The following DLEU7 variants were observed in gnomAD, a reference collection of about 807,000 sequenced individuals.
DLEU7 encodes deleted in lymphocytic leukemia 7.
DLEU7 carries 17 observed loss-of-function variants against 16.0 expected under a neutral mutation model. The ratio of observed to expected loss-of-function variants is 1.06; its 90% CI spans 0.73 to 1.59. The LOEUF (loss-of-function observed/expected upper bound fraction) is 1.59. DLEU7 is among the 40% of genes most tolerant of loss of function. DLEU7 has a pLI of 0.00. For missense variants in DLEU7, 308 were observed against 314.9 expected (o/e 0.98, Z 0.17); for synonymous variants, 113 against 139.8 (o/e 0.81, Z 1.35).
chr13:50,729,904 G>A (rs774815652), intron 1 of DLEU7, among the ~76,000 whole-genome samples: 1 of 151,828 alleles, frequency 6.6e-6, no homozygotes, highest in Non-Finnish European at 1.5e-5. Context: ...TATAACTTTG[G>A]ACTCCCTGAA....
intron 1 of DLEU7, among the ~76,000 whole-genome samples, chr13:50,803,940 A>G (rs1188619810): frequency 1.3e-5 from 2 of 152,232 alleles, no homozygotes; most frequent in Middle Eastern, 3.4e-3. Context: ...TACTTTTAAA[A>G]CTTTTCCATG....
At chr13:50,738,646 T>C (rs1053965916) in intron 1 of DLEU7, among the ~76,000 whole-genome samples, 5 of 152,064 alleles carry the variant, frequency 3.3e-5, no homozygotes, top group Admixed American at 6.5e-5. Flanking sequence ...CAGCAAATCA[T>C]ACAAAGATGA....
downstream of DLEU7, among the ~76,000 whole-genome samples, chr13:50,818,949 A>G (rs1280049444): frequency 6.6e-6 from 1 of 152,206 alleles, no homozygotes; most frequent in Non-Finnish European, 1.5e-5. Flanking sequence ...TCCCTAATGT[A>G]ATCACATCTG....
intron 1 of DLEU7, among the ~76,000 whole-genome samples, chr13:50,751,124 A>G (rs1448659185): frequency 6.6e-6 from 1 of 152,212 alleles, no homozygotes; most frequent in Non-Finnish European, 1.5e-5. Context: ...AATTTTGCTG[A>G]GAGCTTTAAT....
chr13:50,754,680 G>A (rs1300335683), intron 1 of DLEU7, among the ~76,000 whole-genome samples: 1 of 152,200 alleles, frequency 6.6e-6, no homozygotes, highest in Non-Finnish European at 1.5e-5. Flanking sequence ...TCCAGTGTTA[G>A]TATTGAGATA....
At chr13:50,752,644 G>A (rs932764913) in intron 1 of DLEU7, among the ~76,000 whole-genome samples, 1 of 151,764 alleles carries the variant, frequency 6.6e-6, no homozygotes, top group Non-Finnish European at 1.5e-5. Context: ...TTCACGGTGA[G>A]TGTTACAGCT....
chr13:50,821,068 G>A (rs1256890433), downstream of DLEU7, among the ~76,000 whole-genome samples: 3 of 152,106 alleles, frequency 2.0e-5, no homozygotes, highest in Non-Finnish European at 4.4e-5. Flanking sequence ...AATGAAGTAG[G>A]GCTAATGGAG....
At chr13:50,736,236 C>T (rs1351589468) in intron 1 of DLEU7, among the ~76,000 whole-genome samples, 1 of 152,014 alleles carries the variant, frequency 6.6e-6, no homozygotes, top group Non-Finnish European at 1.5e-5. Flanking sequence ...TCAACCTTAG[C>T]AAAGTAACAC....
At chr13:50,801,269 GC>G in intron 1 of DLEU7, among the ~76,000 whole-genome samples, 1 of 152,226 alleles carries the variant, frequency 6.6e-6, no homozygotes, top group Non-Finnish European at 1.5e-5. Context: ...GGTAGCTGAA[GC>G]TGCATAACTA....
intron 1 of DLEU7, among the ~76,000 whole-genome samples, chr13:50,776,246 A>G (rs947175034): frequency 1.3e-5 from 2 of 152,154 alleles, no homozygotes; most frequent in African/African-American, 4.8e-5. Flanking sequence ...TGGATTTTGA[A>G]TTTATCTGCA....
At chr13:50,805,537 T>C (rs1593402375) in intron 1 of DLEU7, among the ~76,000 whole-genome samples, 2 of 103,912 alleles carry the variant, frequency 1.9e-5, no homozygotes, top group South Asian at 5.6e-4. Flanking sequence ...CAATTATGCA[T>C]ATGTTTGATT....
intron 1 of DLEU7, among the ~76,000 whole-genome samples, chr13:50,778,062 G>A (rs189907618): frequency 2.1e-4 from 32 of 152,172 alleles, no homozygotes; most frequent in African/African-American, 6.3e-4. Context: ...CCTGAGACTG[G>A]GTAGTTTATG....
chr13:50,812,949 A>G (rs1254133356), intron 1 of DLEU7: 1 of 152,044 alleles, frequency 6.6e-6, no homozygotes, highest in Non-Finnish European at 1.5e-5. Context: ...GAAAACCCAA[A>G]TGGTCCGAAA....
intron 1 of DLEU7, among the ~76,000 whole-genome samples, chr13:50,761,566 G>T (rs945082751): frequency 2.0e-5 from 3 of 152,096 alleles, no homozygotes; most frequent in African/African-American, 4.8e-5. Context: ...GGATCACATG[G>T]CCTCTCCCAT....
At chr13:50,822,819 T>C, downstream of DLEU7, 4 of 987,464 alleles carry the variant, frequency 4.1e-6, no homozygotes, top group Non-Finnish European at 4.8e-6. Context: ...ACACATATAG[T>C]CCTACAAAGA....
chr13:50,826,275 T>A (rs543618757), intron 1 of DLEU7, among the ~76,000 whole-genome samples: 1 of 152,090 alleles, frequency 6.6e-6, no homozygotes, highest in African/African-American at 2.4e-5. Context: ...CCAGTTCCTG[T>A]TCATGGCCCA....
intron 1 of DLEU7, among the ~76,000 whole-genome samples, chr13:50,724,204 A>C (rs1320271785): frequency 1.3e-5 from 2 of 152,208 alleles, no homozygotes; most frequent in Non-Finnish European, 2.9e-5. Context: ...ACCTAAAACT[A>C]ATGAAATCCC....
intron 1 of DLEU7, among the ~76,000 whole-genome samples, chr13:50,790,921 C>T (rs1289836340): frequency 6.6e-6 from 1 of 152,152 alleles, no homozygotes; most frequent in Non-Finnish European, 1.5e-5. Flanking sequence ...TGAATAAGCT[C>T]ACTTCGGCTA....
chr13:50,793,218 T>G (rs1197557618), intron 1 of DLEU7, among the ~76,000 whole-genome samples: 2 of 152,246 alleles, frequency 1.3e-5, no homozygotes, highest in Non-Finnish European at 2.9e-5. Flanking sequence ...GTCATTCTTT[T>G]TTTTAATGAC....
Sources: allele counts gnomAD v4.1 joint callset (sites outside exome capture counted in the v4.1 genomes callset), GRCh38; gene constraint gnomAD v4.1.1; transcripts MANE v1.5; gene names NCBI Gene and HGNC (gene_info 2026-07-23, HGNC 2026-07-21).